Variants in UBQLN1 observed in about 807,000 individuals in gnomAD.
UBQLN1 encodes ubiquilin-1.
A neutral mutation model predicts 65.4 loss-of-function variants in UBQLN1; 13 were observed. That is an observed-to-expected ratio of 0.20 (90% CI 0.13 to 0.32). The LOEUF is 0.32. Among genes scored for constraint, UBQLN1 ranks in the 10% least tolerant of loss-of-function variants. The probability of loss-of-function intolerance (pLI) is 1.00; values close to 1 mark genes in which losing one functional copy is unlikely to be tolerated. For missense variants in UBQLN1, 561 were observed against 724.0 expected, an observed-to-expected ratio of 0.77 and a Z score of 2.58; for synonymous variants, 267 against 247.8, an observed-to-expected ratio of 1.08 and a Z score of -0.73.
At chr9:83,704,234 AAC>A (rs2131192197) in intron 1 of UBQLN1, among the ~76,000 whole-genome samples, 1 of 152,332 alleles carries the variant, frequency 6.6e-6, no homozygotes, top group East Asian at 1.9e-4. Context: ...ATTTGTAACA[AAC>A]AGTTTCAATC....
At chr9:83,695,694 G>A (rs1386908644) in intron 1 of UBQLN1, among the ~76,000 whole-genome samples, 1 of 152,064 alleles carries the variant, frequency 6.6e-6, no homozygotes, top group Non-Finnish European at 1.5e-5. Context: ...GCAGACTGTT[G>A]CCATATCTAC....
chr9:83,681,312 C>A (rs1161134151), intron 3 of UBQLN1, among the ~76,000 whole-genome samples: 1 of 152,206 alleles, frequency 6.6e-6, no homozygotes, highest in Non-Finnish European at 1.5e-5. Context: ...TTCTCACTTA[C>A]TGAGCACTTT....
chr9:83,683,014 T>C lies in UBQLN1; in HGVS notation c.385A>G (p.Thr129Ala). 1.2e-6 allele frequency: 2 copies of C among 1,612,534 alleles called. No homozygotes were observed. Among genetic ancestry groups the C allele is most frequent in the Non-Finnish European group, 8.5e-7 (1 of 1,179,792 alleles). Reference sequence around the variant, plus strand: ...GAGTTACTATTAGGAGTTGATGATGTAGTAACATTGCTTCCAGCTGTATTT... The same window carrying C: ...GAGTTACTATTAGGAGTTGATGATGCAGTAACATTGCTTCCAGCTGTATTT... Reference protein sequence around the residue: ...QTNTAGSNVTTSSTPNSNSTS... With the variant: ...QTNTAGSNVTASSTPNSNSTS... The change falls in exon 3 of 11, where the codon ACA (threonine) becomes GCA (alanine). Residue 129 changes from threonine (T) to alanine (A), a missense_variant. Thr to Ala is a moderately conservative substitution (Grantham distance 58). Coordinates refer to ENST00000376395, the MANE Select transcript of UBQLN1 (RefSeq NM_013438.5).
intron 1 of UBQLN1, among the ~76,000 whole-genome samples, chr9:83,703,599 T>C (rs749238211): frequency 3.0e-4 from 45 of 152,186 alleles, no homozygotes; most frequent in Non-Finnish European, 5.4e-4. Flanking sequence ...TCAAAACCTG[T>C]ATTACAAAAA....
intron 7 of UBQLN1, 43 bp from the exon 8 acceptor site, chr9:83,666,476 A>G (rs1361997168): frequency 6.3e-7 from 1 of 1,590,398 alleles, no homozygotes; most frequent in Admixed American, 1.7e-5. Context: ...GAAATATCTG[A>G]AACAAGTAAT....
intron 3 of UBQLN1, among the ~76,000 whole-genome samples, chr9:83,680,594 G>A (rs941380153): frequency 2.6e-5 from 4 of 152,140 alleles, no homozygotes; most frequent in Admixed American, 2.6e-4. Context: ...TGTTAGGAGG[G>A]TTGTGCGCTG....
intron 6 of UBQLN1, among the ~76,000 whole-genome samples, chr9:83,671,309 T>C (rs748637694): frequency 1.3e-5 from 2 of 152,232 alleles, no homozygotes; most frequent in African/African-American, 2.4e-5. Context: ...CTTAATGACA[T>C]TGAGAATGGT....
intron 6 of UBQLN1, among the ~76,000 whole-genome samples, chr9:83,677,505 T>G (rs1224021705): frequency 6.6e-6 from 1 of 152,112 alleles, no homozygotes; most frequent in Non-Finnish European, 1.5e-5. Flanking sequence ...GAGGTTGCGG[T>G]GAGCTGAGAT....
At chr9:83,674,768 T>A (rs2131153934) in intron 6 of UBQLN1, among the ~76,000 whole-genome samples, 2 of 152,132 alleles carry the variant, frequency 1.3e-5, no homozygotes, top group Admixed American at 1.3e-4. Context: ...GTATGGGGAG[T>A]CAATGGTAAG....
chr9:83,705,796 G>A (rs1056918372), intron 1 of UBQLN1, among the ~76,000 whole-genome samples: 3 of 152,004 alleles, frequency 2.0e-5, no homozygotes, highest in Non-Finnish European at 4.4e-5. Context: ...ACTGATACAC[G>A]CAACAAAGAC....
chr9:83,682,869 T>C, intron 3 of UBQLN1, 82 bp downstream of exon 3: 1 of 642,168 alleles, frequency 1.6e-6, no homozygotes, highest in Non-Finnish European at 2.5e-6. Context: ...TAATGTTTTA[T>C]TTTCTCATTT....
chr9:83,669,626 T>C (rs1012012951), intron 6 of UBQLN1, among the ~76,000 whole-genome samples: 9 of 152,192 alleles, frequency 5.9e-5, no homozygotes, highest in African/African-American at 2.2e-4. Flanking sequence ...ATGGTCAAAA[T>C]TACTGCTGAA....
In UBQLN1 at chr9:83,665,114, G is replaced by A. The variant is rs752872356; in HGVS notation, c.1364C>T (p.Ser455Leu). ...CAAGGCCTGCATTGCTCTAGGGTTTGACATTGCTGATAGTGTATCAGGATT... is the reference window on the plus strand; with the variant it reads ...CAAGGCCTGCATTGCTCTAGGGTTTAACATTGCTGATAGTGTATCAGGATT... ...MQNPDTLSAM[S>L]NPRAMQALLQ... The change falls in exon 9 of 11, where the codon TCA (serine) becomes TTA (leucine). Residue 455 changes from serine (S) to leucine (L), a missense_variant. Physicochemically the swap from Ser to Leu is moderately radical, Grantham distance 145 (BLOSUM62 -2). This residue lies in a region of UBQLN1 where 102 missense variants were observed against 150.7 expected (regional missense o/e 0.68). Transcript: ENST00000376395. The A allele has an allele frequency of 6.8e-6, 11 of 1,613,502 alleles. No homozygotes were observed. In the South Asian group the frequency reaches 1.1e-4, roughly 16 times the overall value.
At chr9:83,707,442 C>A (rs778718271) in intron 1 of UBQLN1, 58 bp downstream of exon 1, 18 of 1,515,370 alleles carry the variant, frequency 1.2e-5, no homozygotes, top group African/African-American at 1.4e-5. Context: ...TCTCCTGGGG[C>A]GGCGGGCGGA....
chr9:83,680,979 TGGC>T (rs1428375218), intron 3 of UBQLN1, among the ~76,000 whole-genome samples: 1 of 152,218 alleles, frequency 6.6e-6, no homozygotes, highest in Admixed American at 6.5e-5. Context: ...ATTGGACAAT[TGGC>T]TGGTGTCAGA....
At chr9:83,692,621 G>A (rs990055886) in intron 1 of UBQLN1, among the ~76,000 whole-genome samples, 4 of 152,182 alleles carry the variant, frequency 2.6e-5, no homozygotes, top group African/African-American at 7.2e-5. Context: ...GGGAGGCCGA[G>A]GCAGGCGGAT....
chr9:83,678,711 T>C (rs974512483), intron 4 of UBQLN1, 112 bp from the exon 5 acceptor site: 2 of 1,189,126 alleles, frequency 1.7e-6, no homozygotes, highest in South Asian at 1.6e-5. Flanking sequence ...GGCCACTGTT[T>C]TGTTTTGTTT....
intron 6 of UBQLN1, among the ~76,000 whole-genome samples, chr9:83,671,448 C>A (rs983454677): frequency 6.6e-6 from 1 of 152,088 alleles, no homozygotes; most frequent in Admixed American, 6.5e-5. Context: ...GCTCCTTGAT[C>A]CATGGGCTGC....
intron 1 of UBQLN1, among the ~76,000 whole-genome samples, chr9:83,696,466 T>A (rs1211549423): frequency 6.6e-6 from 1 of 151,784 alleles, no homozygotes; most frequent in Non-Finnish European, 1.5e-5. Context: ...CAAAAAAATT[T>A]TAAAAAAAAA....
Sources: gnomAD v4.1 joint callset for allele counts (sites outside exome capture counted in the v4.1 genomes callset) on GRCh38, gnomAD v4.1.1 for gene constraint, gnomAD v4.1.1 regional missense constraint, MANE v1.5 for transcripts, NCBI Gene and HGNC (gene_info 2026-07-23, HGNC 2026-07-21) for gene names.